The following ZBTB25 variants were observed in gnomAD, a reference collection of about 807,000 sequenced individuals.
ZBTB25 encodes zinc finger and BTB domain containing 25, also known as zinc finger and BTB domain-containing protein 25.
ZBTB25 carries 20 observed loss-of-function variants against 34.2 expected under a neutral mutation model. The observed-to-expected ratio is 0.58, with a 90% CI of 0.41 to 0.85. The LOEUF (loss-of-function observed/expected upper bound fraction) is 0.85. Among genes scored for constraint, ZBTB25 ranks in the 40% least tolerant of loss-of-function variants. The probability of loss-of-function intolerance (pLI) is 0.00; values close to 1 mark genes in which losing one functional copy is unlikely to be tolerated. For missense variants in ZBTB25, 437 were observed against 521.8 expected, an observed-to-expected ratio of 0.84 and a Z score of 1.58; for synonymous variants, 175 against 186.4, an observed-to-expected ratio of 0.94 and a Z score of 0.50.
chr14:64,453,710 C>G (rs752591117), intron 2 of ZBTB25: 2 of 1,174,392 alleles, frequency 1.7e-6, no homozygotes, highest in Non-Finnish European at 2.6e-6. Context: ...AATGTCCTCA[C>G]ATGTGTCCAG....
rs538338017 is a variant in ZBTB25 at position 64,453,936 on chromosome 14, A to G, written c.174-4298T>C. Reference sequence around the variant, plus strand: ...GGAGTCACAATCTCTGGGTCCTCCCAGCCCTGCCAAGTACCCGTTGCTTCA... The same window carrying G: ...GGAGTCACAATCTCTGGGTCCTCCCGGCCCTGCCAAGTACCCGTTGCTTCA... On this transcript the variant is annotated intron_variant, in intron 2 of 2. Transcript: ENST00000555220. 5 of 888,008 alleles carry G rather than the reference A, an allele frequency of 5.6e-6. No individual in the cohort carries two copies. In the Admixed American group the frequency reaches 7.4e-5, roughly 13 times the overall value. 55.0% of individuals were successfully genotyped at this position (888,008 alleles called of 1,614,324 possible). A position where few individuals can be genotyped will look rare whatever the true frequency, so the allele number is the denominator to read the frequency against.
At chr14:64,464,769 G>C (rs2078592682) in intron 2 of ZBTB25, among the ~76,000 whole-genome samples, 1 of 152,204 alleles carries the variant, frequency 6.6e-6, no homozygotes, top group South Asian at 2.1e-4. Context: ...TAACTTGTAA[G>C]CTACCTCAAC....
Position 64,492,117 on chromosome 14 carries a change from C to CAAAAAAAAAAAA in ZBTB25, c.-7-1589_-7-1578dup, listed in dbSNP as rs58321068. On this transcript the variant is annotated intron_variant, in intron 1 of 2. Transcript: ENST00000608382. Reference sequence around the variant, plus strand: ...TGGGTGACAGAGCAAGACCCTATCTCAAAAAAAAAAAAAAAAAAAAAAGGC... The same window carrying CAAAAAAAAAAAA: ...TGGGTGACAGAGCAAGACCCTATCTCAAAAAAAAAAAAAAAAAAAAAAAAAAAAAAAAAAGGC... Among the ~76,000 whole-genome samples the CAAAAAAAAAAAA allele has an allele frequency of 6.2e-4, 46 of 74,030 alleles. 1 individual carries two copies. Among genetic ancestry groups the CAAAAAAAAAAAA allele is most frequent in the Non-Finnish European group, 1.0e-3 (42 of 40,634 alleles). The allele number at this position is 74,030 out of a possible 152,430, so 48.6% of individuals were successfully genotyped here. A position where few individuals can be genotyped will look rare whatever the true frequency, so the allele number is the denominator to read the frequency against.
At position 64,503,801 on chromosome 14, in the gene ZBTB25, GC is replaced by G. The variant is rs987348675; in HGVS notation, c.-149del. 3.6e-5 allele frequency: 6 copies of G among 168,436 alleles called. No individual in the cohort carries two copies. Among genetic ancestry groups the G allele is most frequent in the Non-Finnish European group, 6.0e-5 (5 of 82,888 alleles). The allele number at this position is 168,436 out of a possible 1,614,324, so 10.4% of individuals were successfully genotyped here. ...CTTCCCGCGCCGGCAGCCCGCGATGGCCCCACGTGACCGCGTGTCTGGTAGC... is the reference window on the plus strand; with the variant it reads ...CTTCCCGCGCCGGCAGCCCGCGATGGCCCACGTGACCGCGTGTCTGGTAGC... On this transcript the variant is annotated 5_prime_UTR_variant, in exon 1 of 3. Transcript: ENST00000608382.
chr14:64,459,918 A>G, intron 2 of ZBTB25: 2 of 1,535,478 alleles, frequency 1.3e-6, no homozygotes, highest in Non-Finnish European at 1.7e-6. Flanking sequence ...TTTCAGCCTT[A>G]ATTCTCATCA....
downstream of ZBTB25, chr14:64,474,024 C>T (rs1596595186): frequency 6.0e-6 from 1 of 167,134 alleles, no homozygotes; most frequent in East Asian, 1.9e-4. Flanking sequence ...ATAACTCATA[C>T]CTAACACTAT....
chr14:64,458,366 A>T, intron 2 of ZBTB25: 1 of 1,079,940 alleles, frequency 9.3e-7, no homozygotes, highest in Non-Finnish European at 1.4e-6. Context: ...TTTATGAATT[A>T]TAGGGCTCAA....
chr14:64,454,591 G>C, intron 2 of ZBTB25: 1 of 734,972 alleles, frequency 1.4e-6, no homozygotes, highest in Non-Finnish European at 2.4e-6. Context: ...AGGACAGCAA[G>C]ATAGAGATGT....
chr14:64,480,379 A>G lies in ZBTB25; in HGVS notation c.*6544T>C, dbSNP rs1476281232. 2 of 398,512 alleles carry G rather than the reference A, an allele frequency of 5.0e-6. No homozygotes were observed. Among genetic ancestry groups the G allele is most frequent in the Non-Finnish European group, 9.7e-6 (2 of 206,696 alleles). 24.7% of individuals were successfully genotyped at this position (398,512 alleles called of 1,614,324 possible). On this transcript the variant is annotated 3_prime_UTR_variant, in exon 3 of 3. Transcript: ENST00000608382. ...CAAAGCAAGAAACTTCTGGGAAATG[A>G]CGAAATACTACCTTTCTTTCCAGAG...
At chr14:64,466,802 T>C (rs996460537) in intron 2 of ZBTB25, among the ~76,000 whole-genome samples, 3 of 152,254 alleles carry the variant, frequency 2.0e-5, no homozygotes, top group Non-Finnish European at 4.4e-5. Context: ...TTGCTTATTT[T>C]AGGGCATCCA....
downstream of ZBTB25, among the ~76,000 whole-genome samples, chr14:64,477,172 G>A (rs954264286): frequency 6.6e-6 from 1 of 150,946 alleles, no homozygotes; most frequent in Non-Finnish European, 1.5e-5. Context: ...TAAACCCAGT[G>A]TTTAAACCAG....
intron 2 of ZBTB25, chr14:64,454,960 G>A (rs1412325063): frequency 2.9e-6 from 4 of 1,397,100 alleles, no homozygotes; most frequent in South Asian, 1.2e-5. Context: ...CAAATGCCAA[G>A]TGAGCAGAGT....
chr14:64,493,438 C>T (rs1301114104), intron 1 of ZBTB25, among the ~76,000 whole-genome samples: 1 of 152,048 alleles, frequency 6.6e-6, no homozygotes, highest in Non-Finnish European at 1.5e-5. Flanking sequence ...AACAGTGGGC[C>T]CACAGTTAGT....
In ZBTB25 at chr14:64,481,581, A is replaced by G. The variant is rs2078794028; in HGVS notation, c.*5342T>C. On this transcript the variant is annotated 3_prime_UTR_variant, in exon 3 of 3. Coordinates refer to ENST00000608382, the MANE Select transcript of ZBTB25 (RefSeq NM_006977.5). ...TAAATGACTTTATTTAGCACAAAAT[A>G]GAGGAGTTGATGACAGTTAATGTCA... 1 of 152,260 alleles carries G rather than the reference A, an allele frequency of 6.6e-6. No individual in the cohort carries two copies. The highest frequency in any genetic ancestry group is 2.4e-5 in the African/African-American group (1 of 41,472). The allele number at this position is 152,260 out of a possible 1,614,324, so 9.4% of individuals were successfully genotyped here.
At chr14:64,469,437 G>A in intron 2 of ZBTB25, 6 of 1,613,112 alleles carry the variant, frequency 3.7e-6, no homozygotes, top group Non-Finnish European at 5.1e-6. Context: ...ACTGAAATCA[G>A]TGAATTTGAT....
chr14:64,466,623 TTC>T (rs1424118286), intron 2 of ZBTB25, among the ~76,000 whole-genome samples: 1 of 152,200 alleles, frequency 6.6e-6, no homozygotes, highest in Non-Finnish European at 1.5e-5. Context: ...GACTTTATCT[TTC>T]TGTTAGAGGC....
intron 2 of ZBTB25, among the ~76,000 whole-genome samples, chr14:64,464,492 A>C (rs1460324089): frequency 6.6e-6 from 1 of 152,242 alleles, no homozygotes; most frequent in African/African-American, 2.4e-5. Flanking sequence ...AAACTACAGA[A>C]TCTTACAAAT....
At chr14:64,451,680 G>A (rs1490334177) in intron 2 of ZBTB25, among the ~76,000 whole-genome samples, 1 of 152,192 alleles carries the variant, frequency 6.6e-6, no homozygotes, top group Non-Finnish European at 1.5e-5. Context: ...AGGGACATAT[G>A]GACTTTAGAA....
downstream of ZBTB25, among the ~76,000 whole-genome samples, chr14:64,476,308 G>A (rs1418702495): frequency 6.6e-6 from 1 of 152,188 alleles, no homozygotes. Flanking sequence ...GTTTAAACAG[G>A]TCTTCCAAAA....
Sources: gnomAD v4.1 joint callset for allele counts (sites outside exome capture counted in the v4.1 genomes callset) on GRCh38, gnomAD v4.1.1 for gene constraint, MANE v1.5 for transcripts, NCBI Gene and HGNC (gene_info 2026-07-23, HGNC 2026-07-21) for gene names.